The following TMPRSS9 variants were observed in gnomAD, a reference collection of about 807,000 sequenced individuals.
TMPRSS9 encodes transmembrane serine protease 9, also known as transmembrane protease serine 9.
TMPRSS9 carries 113 observed loss-of-function variants against 111.4 expected under a neutral mutation model. That is an observed-to-expected ratio of 1.01 (90% CI 0.87 to 1.19). The LOEUF (loss-of-function observed/expected upper bound fraction) is 1.19, where lower values mean the gene tolerates loss of function less well. Ranked by LOEUF, TMPRSS9 falls within the 50% of genes most tolerant of loss-of-function variation. The pLI is 0.00. For synonymous variants in TMPRSS9, 805 were observed against 659.1 expected (o/e 1.22, Z -3.39); for missense variants, 1,803 against 1,513.1 (o/e 1.19, Z -3.18).
At chr19:2,386,365 C>T (rs1376403164), upstream of TMPRSS9, among the ~76,000 whole-genome samples, 28 of 151,832 alleles carry the variant, frequency 1.8e-4, no homozygotes, top group Middle Eastern at 3.4e-3. Context: ...ATTAGCTGGG[C>T]GTGGTGGCGG....
chr19:2,393,954 G>A (rs1970654270), intron 1 of TMPRSS9, among the ~76,000 whole-genome samples: 1 of 147,252 alleles, frequency 6.8e-6, no homozygotes. Flanking sequence ...TGTAATCCCA[G>A]CACTCTGGGA....
chr19:2,423,445 TTG>T (rs1971511378), intron 14 of TMPRSS9, among the ~76,000 whole-genome samples: 1 of 79,074 alleles, frequency 1.3e-5, no homozygotes, highest in South Asian at 4.4e-4. Flanking sequence ...CTGCTGCGGG[TTG>T]GATGGCGGTT....
At chr19:2,410,843 C>T (rs550121455) in intron 9 of TMPRSS9, among the ~76,000 whole-genome samples, 1 of 152,162 alleles carries the variant, frequency 6.6e-6, no homozygotes, top group Non-Finnish European at 1.5e-5. Flanking sequence ...GGGCCTGATA[C>T]AACGTGGCAC....
Position 2,421,299 on chromosome 19 carries a change from T to A in TMPRSS9, c.2155-555T>A, listed in dbSNP as rs370186268. Reference sequence around the variant, plus strand: ...TGTTATTGTTGTTATTTATTTATTTTTTTTTTTGAGAGGGAGTCTTGTTCC... The same window carrying A: ...TGTTATTGTTGTTATTTATTTATTTATTTTTTTGAGAGGGAGTCTTGTTCC... On this transcript the variant is annotated intron_variant, in intron 13 of 17. Transcript: ENST00000648592. 4.9e-3 allele frequency among the ~76,000 whole-genome samples: 739 copies of A among 151,430 alleles called. 4 individuals are homozygous for A. The highest frequency in any genetic ancestry group is 0.016 in the African/African-American group (650 of 40,990).
intron 1 of TMPRSS9, among the ~76,000 whole-genome samples, chr19:2,384,202 C>T (rs920890083): frequency 3.3e-5 from 5 of 152,156 alleles, no homozygotes; most frequent in African/African-American, 9.7e-5. Context: ...AATCATTCTC[C>T]GCCCACGCAG....
intron 1 of TMPRSS9, among the ~76,000 whole-genome samples, chr19:2,378,978 A>G (rs1220744287): frequency 6.6e-6 from 1 of 152,030 alleles, no homozygotes; most frequent in South Asian, 2.1e-4. Context: ...TGATTTAATG[A>G]TCTCCACCTA....
chr19:2,405,554 C>G lies in TMPRSS9; in HGVS notation c.842+9C>G. On this transcript the variant is annotated intron_variant, in intron 7 of 17. Coordinates refer to ENST00000648592, the Ensembl canonical transcript of TMPRSS9. ...GCTCACTGCTTCAATGAGTAAGCCCCCATCCCAAAGCACCAAACCCGAACC... is the reference window on the plus strand; with the variant it reads ...GCTCACTGCTTCAATGAGTAAGCCCGCATCCCAAAGCACCAAACCCGAACC... 6.5e-7 allele frequency: 1 copy of G among 1,540,078 alleles called. No individual in the cohort carries two copies. Among genetic ancestry groups the G allele is most frequent in the Non-Finnish European group, 8.7e-7 (1 of 1,145,624 alleles).
At chr19:2,388,646 G>A (rs1022745096), upstream of TMPRSS9, among the ~76,000 whole-genome samples, 1 of 152,068 alleles carries the variant, frequency 6.6e-6, no homozygotes, top group African/African-American at 2.4e-5. Flanking sequence ...TTTGAGACAG[G>A]GTCTGGCTCT....
rs903535739 is a variant in TMPRSS9, at chr19:2,422,276, G to T, written c.2548+29G>T. 2.7e-6 allele frequency: 4 copies of T among 1,492,778 alleles called. No individual in the cohort carries two copies. In the African/African-American group the frequency reaches 4.2e-5, roughly 16 times the overall value. 92.5% of individuals were successfully genotyped at this position (1,492,778 alleles called of 1,614,324 possible). On this transcript the variant is annotated intron_variant, in intron 14 of 17. Coordinates refer to ENST00000648592, the Ensembl canonical transcript of TMPRSS9. ...CCGGGAGAGACGGAGGGATCCCTGG[G>T]AGTGGAGGGTCCCATGTTAATCAGC...
chr19:2,403,499 C>G (rs748438015), intron 6 of TMPRSS9, among the ~76,000 whole-genome samples: 10 of 152,120 alleles, frequency 6.6e-5, no homozygotes, highest in Non-Finnish European at 1.3e-4. Flanking sequence ...AACTGGAGCT[C>G]TGTCCTATAA....
intron 1 of TMPRSS9, among the ~76,000 whole-genome samples, chr19:2,375,226 T>C (rs2145252065): frequency 6.6e-6 from 1 of 152,342 alleles, no homozygotes; most frequent in Middle Eastern, 3.4e-3. Flanking sequence ...AGTTGAACCA[T>C]AAGAAACTGA....
At chr19:2,396,499 CA>C in intron 1 of TMPRSS9, 39 bp from the exon 3 acceptor site, 1 of 1,552,308 alleles carries the variant, frequency 6.4e-7, no homozygotes, top group Non-Finnish European at 8.7e-7. Flanking sequence ...CCTGAGCCCC[CA>C]AAGGTGGGCT....
At chr19:2,425,410 A>G (rs777513500) in exon 17 of TMPRSS9, 1 of 1,574,142 alleles carries the variant, frequency 6.4e-7, no homozygotes, top group Non-Finnish European at 8.6e-7. Flanking sequence ...CAGCGAGCAG[A>G]CCTGCCGCCG....
At chr19:2,397,660 C>G (rs955688797) in intron 2 of TMPRSS9, among the ~76,000 whole-genome samples, 2 of 151,982 alleles carry the variant, frequency 1.3e-5, no homozygotes, top group African/African-American at 4.8e-5. Flanking sequence ...TGGCTCACAT[C>G]TGTAATCCCA....
intron 9 of TMPRSS9, 73 bp downstream of exon 10, chr19:2,410,467 C>G: frequency 1.3e-6 from 2 of 1,565,956 alleles, no homozygotes; most frequent in Non-Finnish European, 1.7e-6. Context: ...CTGAGCAATT[C>G]ACAGATATCT....
At chr19:2,406,099 C>G (rs1442202942) in intron 7 of TMPRSS9, among the ~76,000 whole-genome samples, 1 of 149,274 alleles carries the variant, frequency 6.7e-6, no homozygotes, top group Admixed American at 6.7e-5. Flanking sequence ...CAAGCTCCGC[C>G]TCCCGGGTTC....
At chr19:2,391,362 G>GTTTTTTTTTTTTT (rs372470176) in intron 1 of TMPRSS9, among the ~76,000 whole-genome samples, 4 of 142,732 alleles carry the variant, frequency 2.8e-5, no homozygotes, top group Non-Finnish European at 3.0e-5. Flanking sequence ...ATCCTCCTAG[G>GTTTTTTTTTTTTT]TTTTTTTTTT....
chr19:2,413,846 G>T (rs747714467), exon 10 of TMPRSS9: 1 of 1,613,706 alleles, frequency 6.2e-7, no homozygotes, highest in East Asian at 2.2e-5. Context: ...GGATCCTGGA[G>T]GCCACCACCA....
chr19:2,385,574 C>G (rs8112269), upstream of TMPRSS9, among the ~76,000 whole-genome samples: 36,409 of 151,828 alleles, frequency 0.24, 4,880 homozygotes, highest in Admixed American at 0.36. Flanking sequence ...TGATTATAAA[C>G]GGTCAGAGAG....
Sources: gnomAD v4.1 joint callset for allele counts (sites outside exome capture counted in the v4.1 genomes callset) on GRCh38, gnomAD v4.1.1 for gene constraint, MANE v1.5 for transcripts, NCBI Gene and HGNC (gene_info 2026-07-23, HGNC 2026-07-21) for gene names.